The following FAM13A variants were observed in gnomAD, a reference collection of about 807,000 sequenced individuals.
FAM13A encodes protein FAM13A.
Under a neutral mutation model 129.6 loss-of-function variants are expected in FAM13A, and 76 were observed. That is an observed-to-expected ratio of 0.59 (90% CI 0.49 to 0.71). FAM13A has a LOEUF of 0.71. FAM13A is among the 30% of genes least tolerant of loss of function. The pLI, the probability that FAM13A is intolerant of heterozygous loss-of-function variation, is 0.00. For missense variants in FAM13A, 1,108 were observed against 1,249.3 expected, an observed-to-expected ratio of 0.89 and a Z score of 1.70; for synonymous variants, 443 against 449.9, an observed-to-expected ratio of 0.98 and a Z score of 0.20.
At chr4:88,990,483 G>A (rs1052093383) in intron 4 of FAM13A, 1 of 152,330 alleles carries the variant, frequency 6.6e-6, no homozygotes, top group African/African-American at 2.4e-5. Flanking sequence ...CTTTACAAAA[G>A]TTCCTGTGGC....
At chr4:88,794,105 C>T (rs532892881) in intron 8 of FAM13A, among the ~76,000 whole-genome samples, 208 of 151,932 alleles carry the variant, frequency 1.4e-3, no homozygotes, top group Middle Eastern at 3.4e-3. Flanking sequence ...TTTTTTTCAG[C>T]GTCTTTGACT....
chr4:88,737,625 T>G (rs1739270255), intron 20 of FAM13A, 70 bp from the exon 21 acceptor site: 1 of 1,173,540 alleles, frequency 8.5e-7, no homozygotes, highest in South Asian at 1.2e-5. Context: ...CTCGGCCTCC[T>G]CTGACCTCAC....
intron 17 of FAM13A, among the ~76,000 whole-genome samples, chr4:88,748,171 C>T (rs1182370837): frequency 3.3e-5 from 5 of 152,162 alleles, no homozygotes; most frequent in South Asian, 4.1e-4. Context: ...GGATTACAGG[C>T]GTGAGCCACT....
At chr4:88,886,244 T>C (rs982884296) in intron 6 of FAM13A, among the ~76,000 whole-genome samples, 7 of 152,182 alleles carry the variant, frequency 4.6e-5, no homozygotes, top group Admixed American at 3.3e-4. Flanking sequence ...CAATTTGCAA[T>C]TGCAAAAATA....
At chr4:88,985,109 A>G (rs1762074782) in intron 4 of FAM13A, among the ~76,000 whole-genome samples, 1 of 152,218 alleles carries the variant, frequency 6.6e-6, no homozygotes, top group Admixed American at 6.5e-5. Context: ...ATTCTGCCAT[A>G]AAAGGAATGA....
intron 14 of FAM13A, among the ~76,000 whole-genome samples, chr4:88,755,554 G>T (rs911713228): frequency 3.3e-5 from 5 of 152,160 alleles, no homozygotes; most frequent in African/African-American, 1.2e-4. Context: ...TTGATCTGTT[G>T]CCCACAAGGA....
chr4:88,820,655 T>C (rs534405527), intron 7 of FAM13A, among the ~76,000 whole-genome samples: 169 of 152,278 alleles, frequency 1.1e-3, no homozygotes, highest in African/African-American at 3.9e-3. Flanking sequence ...TTAACTAGAA[T>C]TTAGATCAGT....
rs1028809308 is a variant in FAM13A at position 88,909,833 on chromosome 4, G to A, written c.760-3371C>T. On this transcript the variant is annotated intron_variant, in intron 5 of 23. Transcript: ENST00000264344. ...AAATATTCTGGAATTAGGTAATGGT[G>A]ATGATTGCACAGTTTTGTGAACACA... Among the ~76,000 whole-genome samples the A allele has an allele frequency of 5.3e-5, 8 of 152,270 alleles. No homozygotes were observed. In the South Asian group the frequency reaches 8.3e-4, roughly 16 times the overall value.
At chr4:88,728,803 A>G (rs1305170849) in intron 23 of FAM13A, 144 bp from the exon 24 acceptor site, 2 of 851,254 alleles carry the variant, frequency 2.3e-6, no homozygotes, top group Non-Finnish European at 1.8e-6. Flanking sequence ...CTTGGTCTCA[A>G]GACTGGGGCT....
chr4:88,761,361 G>A (rs1744779820), intron 13 of FAM13A, among the ~76,000 whole-genome samples: 2 of 152,126 alleles, frequency 1.3e-5, no homozygotes, highest in South Asian at 4.1e-4. Flanking sequence ...GGGAATAGGA[G>A]ACAAGGCAAA....
At chr4:89,048,619 A>G (rs1466872024) in intron 1 of FAM13A, among the ~76,000 whole-genome samples, 1 of 152,246 alleles carries the variant, frequency 6.6e-6, no homozygotes, top group Non-Finnish European at 1.5e-5. Context: ...AACAGAAAAG[A>G]AAGTCAACAA....
chr4:88,887,489 C>A (rs1306066161), intron 6 of FAM13A, among the ~76,000 whole-genome samples: 1 of 151,226 alleles, frequency 6.6e-6, no homozygotes, highest in East Asian at 1.9e-4. Flanking sequence ...AAAAATAACT[C>A]TCTGGTAATT....
At chr4:88,770,378 T>C (rs1046765828) in intron 11 of FAM13A, among the ~76,000 whole-genome samples, 1 of 152,170 alleles carries the variant, frequency 6.6e-6, no homozygotes, top group Non-Finnish European at 1.5e-5. Context: ...TATTAGGTTT[T>C]CCTAAAGCTC....
Position 88,748,854 on chromosome 4 carries a change from C to T in FAM13A, c.2161+98G>A, listed in dbSNP as rs111231042. ...AGTGCTGGGAAGCATCTTTAAGGAC[C>T]GGGGAATGCCTTAGCAGTGGCACTC... On this transcript the variant is annotated intron_variant, in intron 17 of 23. Transcript: ENST00000264344. The T allele has an allele frequency of 3.1e-3, 2,642 of 858,128 alleles. 27 individuals are homozygous for T. The African/African-American group carries it at 0.032, about 10-fold the overall frequency. The allele number at this position is 858,128 out of a possible 1,614,324, so 53.2% of individuals were successfully genotyped here.
rs1344859867 is a variant in FAM13A, at chr4:88,826,567, T to C, written c.1008-21515A>G. On this transcript the variant is annotated intron_variant, in intron 7 of 23. Transcript: ENST00000264344. ...TTTTTTATTATCTTTGACTGTTCAC[T>C]GCATTCCCGCTTCAAATCTTCTCCA... Among the ~76,000 whole-genome samples the C allele has an allele frequency of 2.6e-5, 4 of 152,318 alleles. No homozygotes were observed. In the East Asian group the frequency reaches 5.8e-4, roughly 22 times the overall value.
intron 1 of FAM13A, among the ~76,000 whole-genome samples, chr4:89,035,461 G>T (rs184210126): frequency 7.2e-6 from 1 of 138,098 alleles, no homozygotes; most frequent in East Asian, 2.2e-4. Context: ...AGGAAAGAAA[G>T]AAAGAAAAGA....
At chr4:88,745,644 T>C (rs531991936) in intron 19 of FAM13A, among the ~76,000 whole-genome samples, 27 of 152,288 alleles carry the variant, frequency 1.8e-4, no homozygotes, top group Non-Finnish European at 3.8e-4. Context: ...ATAAAAGAAG[T>C]TCACTTCTGC....
At chr4:88,894,871 T>C (rs776252914) in intron 6 of FAM13A, among the ~76,000 whole-genome samples, 1 of 152,224 alleles carries the variant, frequency 6.6e-6, no homozygotes, top group Non-Finnish European at 1.5e-5. Context: ...GATGGTACAT[T>C]AGGATACATC....
chr4:88,860,084 C>T (rs1244248864), intron 6 of FAM13A, among the ~76,000 whole-genome samples: 1 of 152,092 alleles, frequency 6.6e-6, no homozygotes, highest in Non-Finnish European at 1.5e-5. Context: ...GCTAGTTTTT[C>T]CTTACAGGTT....
Sources: allele counts gnomAD v4.1 joint callset (sites outside exome capture counted in the v4.1 genomes callset), GRCh38; gene constraint gnomAD v4.1.1; transcripts MANE v1.5; gene names NCBI Gene and HGNC (gene_info 2026-07-23, HGNC 2026-07-21).